DENND10: variants seen among roughly 807,000 people sequenced by gnomAD.
DENND10 encodes the protein DENN domain-containing protein 10.
DENND10 carries 24 observed loss-of-function variants against 43.6 expected under a neutral mutation model. The observed-to-expected ratio is 0.55, with a 90% confidence interval of 0.40 to 0.77. The LOEUF (loss-of-function observed/expected upper bound fraction) is 0.77. Ranked by LOEUF, DENND10 falls within the 30% of genes least tolerant of loss-of-function variation. DENND10 has a pLI of 0.00. For missense variants in DENND10, 303 were observed against 429.9 expected (o/e 0.70, Z 2.61); for synonymous variants, 125 against 157.6 (o/e 0.79, Z 1.55).
chr10:119,132,959 G>C lies in DENND10; in HGVS notation c.897+350G>C. The C allele has an allele frequency of 3.9e-6, 1 of 256,268 alleles. No homozygotes were observed. Among genetic ancestry groups the C allele is most frequent in the Non-Finnish European group, 7.6e-6 (1 of 131,210 alleles). The allele number at this position is 256,268 out of a possible 1,614,324, so 15.9% of individuals were successfully genotyped here. On this transcript the variant is annotated intron_variant, in intron 8 of 8. Coordinates refer to ENST00000361432, the MANE Select transcript of DENND10 (RefSeq NM_207009.4). The surrounding 1 kb of genome is among the most constrained non-coding windows in gnomAD (Gnocchi z 4.2). Reference sequence around the variant, plus strand: ...CTGGAGGAACAAATTATAAAGGGGAGGTTGTTGCTGAGCATGGGGAACTAG... The same window carrying C: ...CTGGAGGAACAAATTATAAAGGGGACGTTGTTGCTGAGCATGGGGAACTAG...
chr10:119,127,356 T>C (rs536617729), intron 6 of DENND10, among the ~76,000 whole-genome samples: 1 of 152,344 alleles, frequency 6.6e-6, no homozygotes, highest in East Asian at 1.9e-4. Context: ...TCTCTTTCTT[T>C]TTTCAGTAAT....
intron 4 of DENND10, among the ~76,000 whole-genome samples, chr10:119,119,537 A>G (rs1845460207): frequency 6.6e-6 from 1 of 152,078 alleles, no homozygotes; most frequent in Non-Finnish European, 1.5e-5. Flanking sequence ...TAGGCCTCCC[A>G]AAGCGCTGGG....
chr10:119,135,791 T>TAAAAAAAAAAAAAA (rs367836571), intron 8 of DENND10, among the ~76,000 whole-genome samples: 1,508 of 63,828 alleles, frequency 0.024, 80 homozygotes, highest in Non-Finnish European at 0.031. Flanking sequence ...ACTAAAATTG[T>TAAAAAAAAAAAAAA]AAAAAAAAAA....
At chr10:119,121,090 C>T (rs550393969) in intron 5 of DENND10, among the ~76,000 whole-genome samples, 140 of 152,040 alleles carry the variant, frequency 9.2e-4, no homozygotes, top group African/African-American at 3.0e-3. Flanking sequence ...GCTGGAATTA[C>T]GGGTGTGAGC....
intron 4 of DENND10, among the ~76,000 whole-genome samples, chr10:119,118,135 A>C (rs1845388579): frequency 6.6e-6 from 1 of 152,164 alleles, no homozygotes; most frequent in South Asian, 2.1e-4. Flanking sequence ...TAATCCTTCC[A>C]TACGTTATTT....
chr10:119,110,542 C>T (rs144060032), intron 2 of DENND10, among the ~76,000 whole-genome samples: 38 of 152,276 alleles, frequency 2.5e-4, no homozygotes, highest in Admixed American at 1.1e-3. Context: ...ACTGCAACCT[C>T]TGCCTCCTGG....
chr10:119,108,314 C>G, intron 2 of DENND10, 150 bp downstream of exon 2: 2 of 656,324 alleles, frequency 3.0e-6, no homozygotes, highest in Non-Finnish European at 5.4e-6. Flanking sequence ...GAAACCCCAT[C>G]TCTACTAAAA....
chr10:119,136,178 G>A (rs982701358), intron 8 of DENND10, among the ~76,000 whole-genome samples: 3 of 151,694 alleles, frequency 2.0e-5, no homozygotes, highest in Non-Finnish European at 2.9e-5. Context: ...ACCCTGTCTC[G>A]AAAACAACAA....
At chr10:119,111,357 T>C (rs1035826324) in intron 2 of DENND10, among the ~76,000 whole-genome samples, 3 of 150,750 alleles carry the variant, frequency 2.0e-5, no homozygotes, top group Non-Finnish European at 2.9e-5. Context: ...GTGCCTGTAA[T>C]CCCAGCTACT....
At chr10:119,121,263 AC>A (rs1390312579) in intron 5 of DENND10, among the ~76,000 whole-genome samples, 3 of 151,310 alleles carry the variant, frequency 2.0e-5, no homozygotes, top group African/African-American at 7.3e-5. Flanking sequence ...ACTAAATCTA[AC>A]TTGTTATTAG....
intron 3 of DENND10, among the ~76,000 whole-genome samples, chr10:119,112,499 T>C (rs867254918): frequency 1.3e-5 from 2 of 148,692 alleles, no homozygotes; most frequent in South Asian, 2.1e-4. Context: ...TTTTCTTTTT[T>C]TTTTTTTTTT....
intron 5 of DENND10, among the ~76,000 whole-genome samples, chr10:119,122,070 G>T (rs1226852502): frequency 2.0e-5 from 3 of 152,094 alleles, no homozygotes; most frequent in Non-Finnish European, 4.4e-5. Flanking sequence ...ACTTTGGGAG[G>T]CTGAGGTTAG....
At chr10:119,120,608 T>A (rs1845525378) in intron 5 of DENND10, among the ~76,000 whole-genome samples, 156 bp downstream of exon 5, 1 of 152,238 alleles carries the variant, frequency 6.6e-6, no homozygotes, top group African/African-American at 2.4e-5. Context: ...CTCTAGTAGT[T>A]CAAGGTTACT....
At chr10:119,105,622 C>A (rs1357283605) in intron 1 of DENND10, 3 of 496,532 alleles carry the variant, frequency 6.0e-6, no homozygotes, top group East Asian at 1.3e-4. Context: ...CTACTAATAG[C>A]AAATAAAAAG....
intron 8 of DENND10, among the ~76,000 whole-genome samples, chr10:119,135,818 C>CAAAAAAAAAAAAAAAAAAAA (rs1174927246): frequency 3.8e-4 from 29 of 76,462 alleles, no homozygotes; most frequent in Middle Eastern, 7.9e-3. Context: ...AAAAAAAAAC[C>CAAAAAAAAAAAAAAAAAAAA]AAAACCACAC....
intron 1 of DENND10, chr10:119,104,907 GC>G: frequency 6.5e-6 from 1 of 152,686 alleles, no homozygotes; most frequent in Non-Finnish European, 1.5e-5. Context: ...GTATCCCAGA[GC>G]CCCCAACCCC....
In DENND10 at chr10:119,132,178, A is replaced by G. The variant is rs1256521088; in HGVS notation, c.803-337A>G. On this transcript the variant is annotated intron_variant, in intron 7 of 8. Coordinates refer to ENST00000361432, the MANE Select transcript of DENND10 (RefSeq NM_207009.4). The surrounding 1 kb of genome is among the most constrained non-coding windows in gnomAD (Gnocchi z 4.2). Reference sequence around the variant, plus strand: ...CTGTAAAGAGCTGGACTAGAACGTCAGACTCTTGGCTTATAGTCATGACTT... The same window carrying G: ...CTGTAAAGAGCTGGACTAGAACGTCGGACTCTTGGCTTATAGTCATGACTT... Among the ~76,000 whole-genome samples the G allele has an allele frequency of 6.6e-6, 1 of 152,224 alleles. No individual in the cohort carries two copies. The highest frequency in any genetic ancestry group is 1.5e-5 in the Non-Finnish European group (1 of 68,042).
intron 4 of DENND10, among the ~76,000 whole-genome samples, chr10:119,119,464 A>G (rs910081306): frequency 2.0e-5 from 3 of 151,434 alleles, no homozygotes; most frequent in Non-Finnish European, 2.9e-5. Context: ...TTTGGTAGAG[A>G]TGGGGTTGCA....
At chr10:119,134,525 G>C (rs1347054240) in intron 8 of DENND10, 1 of 151,832 alleles carries the variant, frequency 6.6e-6, no homozygotes, top group African/African-American at 2.4e-5. Context: ...TAATTTTTTT[G>C]TATTTTTAGT....
Sources: gnomAD v4.1 joint callset for allele counts (sites outside exome capture counted in the v4.1 genomes callset) on GRCh38, gnomAD v4.1.1 for gene constraint, Gnocchi (gnomAD v3.1) non-coding constraint, MANE v1.5 for transcripts, NCBI Gene and HGNC (gene_info 2026-07-23, HGNC 2026-07-21) for gene names.